The following CLASP1 variants were observed in gnomAD, a reference collection of about 807,000 sequenced individuals.
The protein encoded by CLASP1 is CLIP-associating protein 1.
In CLASP1, 38 loss-of-function variants were observed where a neutral mutation model predicts 192.3. The ratio of observed to expected loss-of-function variants is 0.20; its 90% CI spans 0.15 to 0.26. The LOEUF (loss-of-function observed/expected upper bound fraction) is 0.26, where lower values mean the gene tolerates loss of function less well. Among genes scored for constraint, CLASP1 ranks in the 10% least tolerant of loss-of-function variants. CLASP1 has a pLI of 1.00. For missense variants in CLASP1, 1,433 were observed against 1,932.5 expected, an observed-to-expected ratio of 0.74 and a Z score of 4.85; for synonymous variants, 691 against 712.8, an observed-to-expected ratio of 0.97 and a Z score of 0.49.
intron 30 of CLASP1, among the ~76,000 whole-genome samples, chr2:121,395,238 T>C (rs538041605): frequency 1.7e-4 from 26 of 152,240 alleles, no homozygotes; most frequent in African/African-American, 6.3e-4. Flanking sequence ...TCCTGACTTA[T>C]TACTGTGAGA....
At chr2:121,408,924 A>AG in intron 24 of CLASP1, 2 of 916,104 alleles carry the variant, frequency 2.2e-6, no homozygotes, top group Non-Finnish European at 3.4e-6. Context: ...TTCAGACCAG[A>AG]ATTTCTATAC....
intron 2 of CLASP1, among the ~76,000 whole-genome samples, chr2:121,587,097 C>G: frequency 6.6e-6 from 1 of 152,020 alleles, no homozygotes; most frequent in South Asian, 2.1e-4. Flanking sequence ...AAAAATTAGC[C>G]GGGCACAGTG....
chr2:121,605,868 C>T, exon 2 of CLASP1: 1 of 1,613,964 alleles, frequency 6.2e-7, no homozygotes, highest in Non-Finnish European at 8.5e-7. Flanking sequence ...AACACCTGCG[C>T]CAGGCAGGAC....
chr2:121,514,231 T>C (rs909649528), intron 7 of CLASP1, among the ~76,000 whole-genome samples: 3 of 152,334 alleles, frequency 2.0e-5, no homozygotes, highest in Non-Finnish European at 2.9e-5. Context: ...AAATGGTGGA[T>C]TCATGGTCTG....
In CLASP1 at chr2:121,556,144, T is replaced by G. The variant is rs529388742; in HGVS notation, c.196-25819A>C. 1.8e-3 allele frequency among the ~76,000 whole-genome samples: 272 copies of G among 151,744 alleles called. 3 individuals are homozygous for G. The highest frequency in any genetic ancestry group is 6.1e-3 in the African/African-American group (252 of 41,316). ...AATTACAGGCACACACCACCACGCCTAGCTAATTTTCGTATTTTTTGTATA... is the reference window on the plus strand; with the variant it reads ...AATTACAGGCACACACCACCACGCCGAGCTAATTTTCGTATTTTTTGTATA... On this transcript the variant is annotated intron_variant, in intron 2 of 39. Coordinates refer to ENST00000263710, the Ensembl canonical transcript of CLASP1.
intron 2 of CLASP1, among the ~76,000 whole-genome samples, chr2:121,602,626 CA>C (rs1172825248): frequency 1.3e-5 from 2 of 152,124 alleles, no homozygotes; most frequent in Non-Finnish European, 2.9e-5. Context: ...GCCAATGGAA[CA>C]AAACAGGGAA....
chr2:121,473,281 T>G (rs565505005), intron 8 of CLASP1, among the ~76,000 whole-genome samples: 1 of 152,138 alleles, frequency 6.6e-6, no homozygotes, highest in South Asian at 2.1e-4. Context: ...CCAATGGAAC[T>G]TACAGATTTT....
At chr2:121,571,878 T>C (rs1447335534) in intron 2 of CLASP1, among the ~76,000 whole-genome samples, 2 of 152,010 alleles carry the variant, frequency 1.3e-5, no homozygotes, top group African/African-American at 4.8e-5. Flanking sequence ...CTTTCTTGTT[T>C]AGGCAGCAGA....
At chr2:121,625,405 C>T (rs1031196977) in intron 1 of CLASP1, among the ~76,000 whole-genome samples, 16 of 147,274 alleles carry the variant, frequency 1.1e-4, no homozygotes, top group African/African-American at 4.0e-4. Flanking sequence ...TATATGCTAG[C>T]TTGAGAGATT....
intron 11 of CLASP1, among the ~76,000 whole-genome samples, chr2:121,460,674 A>C (rs996746911): frequency 4.6e-5 from 7 of 152,134 alleles, no homozygotes; most frequent in African/African-American, 1.7e-4. Context: ...CCTCACTTTA[A>C]TGCTGAGCCC....
intron 2 of CLASP1, among the ~76,000 whole-genome samples, chr2:121,593,257 T>C (rs996979505): frequency 6.6e-6 from 1 of 152,050 alleles, no homozygotes; most frequent in Non-Finnish European, 1.5e-5. Flanking sequence ...CACAGTAAGG[T>C]GACCTAATTC....
intron 2 of CLASP1, among the ~76,000 whole-genome samples, chr2:121,571,546 T>C (rs956992710): frequency 2.6e-5 from 4 of 152,122 alleles, no homozygotes; most frequent in Non-Finnish European, 4.4e-5. Context: ...AAGTAGCAAA[T>C]GGCAACAACA....
intron 1 of CLASP1, among the ~76,000 whole-genome samples, chr2:121,646,200 C>G (rs2073148648): frequency 6.6e-6 from 1 of 152,168 alleles, no homozygotes; most frequent in Non-Finnish European, 1.5e-5. Flanking sequence ...GTAGCCTCAG[C>G]CTCCCAGACT....
chr2:121,496,627 G>C (rs964928981), intron 8 of CLASP1, among the ~76,000 whole-genome samples: 1 of 152,182 alleles, frequency 6.6e-6, no homozygotes, highest in Non-Finnish European at 1.5e-5. Flanking sequence ...GGGACTAAGA[G>C]GCCAGCCTGC....
chr2:121,553,351 T>C lies in CLASP1; in HGVS notation c.196-23026A>G, dbSNP rs941473609. 3.3e-5 allele frequency among the ~76,000 whole-genome samples: 5 copies of C among 151,996 alleles called. No homozygotes were observed. In the East Asian group the frequency reaches 7.7e-4, roughly 23 times the overall value. On this transcript the variant is annotated intron_variant, in intron 2 of 39. Transcript: ENST00000263710. ...TACCCTGGAACCTAAAATAAAACTT[T>C]AAAAGTAAATAAATAAAATTTAAAA...
chr2:121,393,114 ATG>A (rs905059050), intron 30 of CLASP1, among the ~76,000 whole-genome samples: 9 of 152,316 alleles, frequency 5.9e-5, no homozygotes, highest in African/African-American at 2.2e-4. Context: ...TTTCACAAAC[ATG>A]GTTGTATGGA....
exon 36 of CLASP1, chr2:121,365,187 C>T: frequency 8.7e-6 from 14 of 1,613,862 alleles, no homozygotes; most frequent in Non-Finnish European, 1.2e-5. Context: ...TGATCTTGAG[C>T]AGCTCCAGCA....
chr2:121,480,919 A>G (rs1440505682), intron 8 of CLASP1, among the ~76,000 whole-genome samples: 12 of 152,256 alleles, frequency 7.9e-5, no homozygotes, highest in Admixed American at 7.8e-4. Context: ...GAGGCAAAGC[A>G]AAAGAAAGCA....
At chr2:121,346,814 A>G (rs1458509664) in intron 39 of CLASP1, among the ~76,000 whole-genome samples, 1 of 152,268 alleles carries the variant, frequency 6.6e-6, no homozygotes, top group African/African-American at 2.4e-5. Flanking sequence ...GCATTTCATA[A>G]ACAGGAGTTA....
Sources: gnomAD v4.1 joint callset for allele counts (sites outside exome capture counted in the v4.1 genomes callset) on GRCh38, gnomAD v4.1.1 for gene constraint, MANE v1.5 for transcripts, NCBI Gene and HGNC (gene_info 2026-07-23, HGNC 2026-07-21) for gene names.